Variants in KIF9 observed in about 807,000 individuals in gnomAD.
KIF9 encodes the protein kinesin family member 9, also known as kinesin-like protein KIF9.
In KIF9, 68 loss-of-function variants were observed where a neutral mutation model predicts 94.8. The ratio of observed to expected loss-of-function variants is 0.72; its 90% CI spans 0.59 to 0.88. The LOEUF (loss-of-function observed/expected upper bound fraction) is 0.88. Ranked by LOEUF, KIF9 falls within the 40% of genes least tolerant of loss-of-function variation. KIF9 has a pLI of 0.00. For synonymous variants in KIF9, 343 were observed against 362.1 expected (o/e 0.95, Z 0.60); for missense variants, 882 against 982.5 (o/e 0.90, Z 1.37).
At chr3:47,255,569 C>A (rs1055411272) in intron 10 of KIF9, among the ~76,000 whole-genome samples, 29 of 152,116 alleles carry the variant, frequency 1.9e-4, no homozygotes, top group Non-Finnish European at 3.8e-4. Flanking sequence ...CTTAGAGCAG[C>A]AGTTCTCAAA....
intron 9 of KIF9, 101 bp from the exon 10 acceptor site, chr3:47,257,661 T>TAA (rs1331842197): frequency 2.0e-6 from 2 of 987,146 alleles, no homozygotes; most frequent in Non-Finnish European, 3.1e-6. Context: ...CCTGGCTCCT[T>TAA]AAGCTCCCTT....
At chr3:47,249,200 C>T (rs1285242567) in intron 10 of KIF9, among the ~76,000 whole-genome samples, 2 of 148,526 alleles carry the variant, frequency 1.3e-5, no homozygotes, top group Non-Finnish European at 3.0e-5. Context: ...GGCTGGAGTA[C>T]AGTGGCGCAA....
At chr3:47,256,129 G>A (rs890451937) in intron 10 of KIF9, among the ~76,000 whole-genome samples, 6 of 152,196 alleles carry the variant, frequency 3.9e-5, no homozygotes, top group East Asian at 1.9e-4. Flanking sequence ...CCTCCCAGCC[G>A]CCTGCCTTGG....
intron 2 of KIF9, among the ~76,000 whole-genome samples, chr3:47,276,460 G>A (rs1461264700): frequency 1.3e-5 from 2 of 151,728 alleles, no homozygotes; most frequent in East Asian, 3.9e-4. Flanking sequence ...CAGGGCTGAG[G>A]CAGGACGATC....
chr3:47,236,924 C>A (rs1699067987), intron 17 of KIF9, among the ~76,000 whole-genome samples: 1 of 152,172 alleles, frequency 6.6e-6, no homozygotes, highest in South Asian at 2.1e-4. Context: ...ACTCTAGTAG[C>A]CAAAGATATT....
At chr3:47,281,775 G>C (rs1328948613) in intron 1 of KIF9, among the ~76,000 whole-genome samples, 2 of 152,202 alleles carry the variant, frequency 1.3e-5, no homozygotes, top group Non-Finnish European at 2.9e-5. Flanking sequence ...AGGCGCTCGA[G>C]GTTTCCTCAT....
intron 17 of KIF9, 59 bp from the exon 18 acceptor site, chr3:47,236,678 G>T: frequency 6.6e-7 from 1 of 1,506,022 alleles, no homozygotes; most frequent in Non-Finnish European, 9.2e-7. Flanking sequence ...ATTGGGGGAG[G>T]AAGGGATTCC....
At position 47,260,131 on chromosome 3, in the gene KIF9, C is replaced by A. The variant is rs1245318766; in HGVS notation, c.982-2571G>T. ...AACCGCCTTAGGGCTGGAGGTGGGA[C>A]CTGCGGGCAGCAATACTGCTTTGTA... On this transcript the variant is annotated intron_variant, in intron 9 of 20. Transcript: ENST00000684063. 6.2e-5 allele frequency among the ~76,000 whole-genome samples: 8 copies of A among 128,632 alleles called. No homozygotes were observed. In the East Asian group the frequency reaches 1.5e-3, roughly 24 times the overall value. The allele number at this position is 128,632 out of a possible 152,430, so 84.4% of individuals were successfully genotyped here. A position where few individuals can be genotyped will look rare whatever the true frequency, so the allele number is the denominator to read the frequency against.
chr3:47,267,364 TATCACTGCG>T, intron 5 of KIF9, 101 bp from the exon 6 acceptor site: 1 of 841,024 alleles, frequency 1.2e-6, no homozygotes. Flanking sequence ...AGTGGTCTCA[TATCACTGCG>T]ATCAGCTGGG....
chr3:47,240,885 T>C lies in KIF9; in HGVS notation c.1840A>G (p.Thr614Ala). The change falls in exon 17 of 21, where the codon ACA becomes GCA. Residue 614 changes from threonine (T) to alanine (A), a missense_variant. Transcript: ENST00000684063. ...NERRKRASET[T>A]QHINAIKREI... Reference sequence around the variant, plus strand: ...CGCTTGATGGCATTGATGTGCTGTGTGGTCTCGCTGGCCCTTTTCCTCCGT... The same window carrying C: ...CGCTTGATGGCATTGATGTGCTGTGCGGTCTCGCTGGCCCTTTTCCTCCGT... 2.5e-6 allele frequency: 4 copies of C among 1,614,238 alleles called. No individual in the cohort carries two copies. The East Asian group carries it at 8.9e-5, about 36-fold the overall frequency.
intron 5 of KIF9, among the ~76,000 whole-genome samples, chr3:47,271,019 C>T (rs1701614507): frequency 6.6e-6 from 1 of 151,712 alleles, no homozygotes; most frequent in Non-Finnish European, 1.5e-5. Flanking sequence ...TAGCATGCTC[C>T]TGTGGTCCCA....
intron 17 of KIF9, among the ~76,000 whole-genome samples, 190 bp from the exon 18 acceptor site, chr3:47,236,809 AG>A (rs1699060527): frequency 6.6e-6 from 1 of 152,168 alleles, no homozygotes; most frequent in Non-Finnish European, 1.5e-5. Context: ...TCTCACAGGG[AG>A]GGGAGCTCAG....
At chr3:47,260,771 G>GCAGGAC (rs1700917839) in intron 9 of KIF9, among the ~76,000 whole-genome samples, 1 of 152,240 alleles carries the variant, frequency 6.6e-6, no homozygotes, top group Admixed American at 6.5e-5. Flanking sequence ...ACAGCTGGGA[G>GCAGGAC]CAGGACCAAT....
intron 17 of KIF9, among the ~76,000 whole-genome samples, chr3:47,238,090 TTTTTC>T (rs1313535855): frequency 6.6e-6 from 1 of 152,214 alleles, no homozygotes; most frequent in African/African-American, 2.4e-5. Context: ...CATTTTTCTT[TTTTTC>T]TTTTGTTTCT....
chr3:47,282,003 T>C, intron 1 of KIF9: 1 of 172,820 alleles, frequency 5.8e-6, no homozygotes, highest in Non-Finnish European at 1.2e-5. Flanking sequence ...CACCTGGCCT[T>C]GGCTGAACAA....
chr3:47,275,476 G>T lies in KIF9; in HGVS notation c.108C>A (p.His36Gln). ...YGDDKRSIDIHLKKDIRRGVV... is the reference protein window; with the variant it reads ...YGDDKRSIDIQLKKDIRRGVV... ...CTCCTCTCCGAATGTCTTTTTTTAA[G>T]TGAATATCAATGCTCTAGGAAAAAA... Residue 36 changes from histidine (H) to glutamine (Q), a missense_variant, in exon 3 of 21, where the codon CAC becomes CAA. By Grantham distance (24) the His-to-Gln change is conservative. Transcript: ENST00000684063. The T allele has an allele frequency of 6.2e-7, 1 of 1,607,412 alleles. No individual in the cohort carries two copies. The highest frequency in any genetic ancestry group is 8.5e-7 in the Non-Finnish European group (1 of 1,177,478).
At chr3:47,239,074 C>T (rs1699274138) in intron 17 of KIF9, among the ~76,000 whole-genome samples, 1 of 152,292 alleles carries the variant, frequency 6.6e-6, no homozygotes, top group South Asian at 2.1e-4. Context: ...GGCGGGTATG[C>T]CTGTAATCGC....
At position 47,278,077 on chromosome 3, in the gene KIF9, A is replaced by AT. The variant is rs951116034; in HGVS notation, c.-5-699dup. ...GAAGACATAGGACATATATACATAC[A>AT]TTTTTTTTTTTTGAGACAGAGTCTC... On this transcript the variant is annotated intron_variant, in intron 1 of 20. Transcript: ENST00000684063. 9.5e-4 allele frequency among the ~76,000 whole-genome samples: 138 copies of AT among 144,830 alleles called. 2 individuals carry two copies. Among genetic ancestry groups the AT allele is most frequent in the Admixed American group, 4.2e-3 (61 of 14,420 alleles).
chr3:47,282,557 C>T lies in KIF9; in HGVS notation c.-68G>A, dbSNP rs1457536636. Reference sequence around the variant, plus strand: ...CGCAACCGAAACCACCTGCACTCCCCACGCGGGGCTGCCTGGCTGTGTACA... The same window carrying T: ...CGCAACCGAAACCACCTGCACTCCCTACGCGGGGCTGCCTGGCTGTGTACA... On this transcript the variant is annotated 5_prime_UTR_variant, in exon 1 of 21. Transcript: ENST00000684063. 9.8e-7 allele frequency: 1 copy of T among 1,020,142 alleles called. No individual in the cohort carries two copies. The highest frequency in any genetic ancestry group is 1.2e-6 in the Non-Finnish European group (1 of 849,798). The allele number at this position is 1,020,142 out of a possible 1,614,324, so 63.2% of individuals were successfully genotyped here. A position where few individuals can be genotyped will look rare whatever the true frequency, so the allele number is the denominator to read the frequency against.
Sources: gnomAD v4.1 joint callset for allele counts (sites outside exome capture counted in the v4.1 genomes callset) on GRCh38, gnomAD v4.1.1 for gene constraint, MANE v1.5 for transcripts, NCBI Gene and HGNC (gene_info 2026-07-23, HGNC 2026-07-21) for gene names.